FRAS1: variants seen among roughly 807,000 people sequenced by gnomAD.
FRAS1 encodes Fraser extracellular matrix complex subunit 1.
FRAS1 carries 290 observed loss-of-function variants against 435.2 expected under a neutral mutation model. That is an observed-to-expected ratio of 0.67 (90% confidence interval 0.61 to 0.73). The LOEUF (loss-of-function observed/expected upper bound fraction) is 0.73, where lower values mean the gene tolerates loss of function less well. Among genes scored for constraint, FRAS1 ranks in the 30% least tolerant of loss-of-function variants. FRAS1 has a pLI of 0.00. For missense variants in FRAS1, 4,860 were observed against 5,001.5 expected, an observed-to-expected ratio of 0.97 and a Z score of 0.85; for synonymous variants, 1,800 against 1,851.0, an observed-to-expected ratio of 0.97 and a Z score of 0.71.
chr4:78,071,871 C>T (rs1740369205), intron 2 of FRAS1: 1 of 152,108 alleles, frequency 6.6e-6, no homozygotes, highest in African/African-American at 2.4e-5. Flanking sequence ...TGGGTGGAAG[C>T]TTACTGGAGT....
intron 2 of FRAS1, among the ~76,000 whole-genome samples, chr4:78,193,784 A>T (rs1472839622): frequency 7.2e-5 from 11 of 152,240 alleles, no homozygotes; most frequent in Non-Finnish European, 8.8e-5. Context: ...TAAGGTTAAT[A>T]TTGTTATGTG....
At position 78,377,806 on chromosome 4, in the gene FRAS1, GT is replaced by G. The variant is rs113363004; in HGVS notation, c.3293-1917del. ...GCAGCCCGCTAGGATTACCTGCTGAGTTTGTAAAATTCCCGAGGTCCTACCC... is the reference window on the plus strand; with the variant it reads ...GCAGCCCGCTAGGATTACCTGCTGAGTTGTAAAATTCCCGAGGTCCTACCC... On this transcript the variant is annotated intron_variant, in intron 26 of 73. Transcript: ENST00000512123. Among the ~76,000 whole-genome samples the G allele has an allele frequency of 7.2e-4, 110 of 152,314 alleles. 1 individual carries two copies. In the Middle Eastern group the frequency reaches 0.027, roughly 38 times the overall value.
chr4:78,310,788 T>C (rs965668307), intron 15 of FRAS1, among the ~76,000 whole-genome samples: 1 of 152,242 alleles, frequency 6.6e-6, no homozygotes, highest in Non-Finnish European at 1.5e-5. Context: ...CGTCAGATGC[T>C]GATAATGCTG....
intron 2 of FRAS1, among the ~76,000 whole-genome samples, chr4:78,113,203 A>T (rs1006246324): frequency 3.9e-5 from 6 of 152,282 alleles, no homozygotes; most frequent in African/African-American, 9.6e-5. Flanking sequence ...TATATATTCC[A>T]CATTTTCTTA....
At chr4:78,295,627 C>T (rs945970545) in intron 14 of FRAS1, among the ~76,000 whole-genome samples, 4 of 152,048 alleles carry the variant, frequency 2.6e-5, no homozygotes, top group African/African-American at 9.7e-5. Context: ...GTTATCATGC[C>T]CTATTCCCAT....
At chr4:78,196,149 A>G (rs1722802051) in intron 2 of FRAS1, among the ~76,000 whole-genome samples, 1 of 151,978 alleles carries the variant, frequency 6.6e-6, no homozygotes, top group Admixed American at 6.6e-5. Flanking sequence ...CTGGGTCTAC[A>G]GGCACCCGCC....
intron 2 of FRAS1, among the ~76,000 whole-genome samples, chr4:78,081,787 CA>C (rs1427562014): frequency 6.6e-6 from 1 of 152,106 alleles, no homozygotes; most frequent in Non-Finnish European, 1.5e-5. Context: ...GATGGATGGA[CA>C]AACACTCTTC....
intron 62 of FRAS1, 51 bp downstream of exon 62, chr4:78,507,659 G>T: frequency 6.7e-7 from 1 of 1,492,212 alleles, no homozygotes. Flanking sequence ...GTGACTAGTA[G>T]ATGAGAACTG....
At chr4:78,434,960 T>C (rs4975065) in intron 38 of FRAS1, among the ~76,000 whole-genome samples, 104,560 of 150,974 alleles carry the variant, frequency 0.69, 36,292 homozygotes, top group Non-Finnish European at 0.74. Flanking sequence ...TCAGTTCCCT[T>C]ACCAAACGAT....
intron 2 of FRAS1, among the ~76,000 whole-genome samples, chr4:78,207,705 C>G (rs1287781077): frequency 6.6e-6 from 1 of 152,124 alleles, no homozygotes; most frequent in Non-Finnish European, 1.5e-5. Flanking sequence ...GAATCCAGGT[C>G]TCGGGACTAG....
In FRAS1 at chr4:78,446,850, A is replaced by G. The variant is rs1017281955; in HGVS notation, c.5980A>G (p.Ile1994Val). The G allele has an allele frequency of 1.2e-6, 2 of 1,610,990 alleles. No individual in the cohort carries two copies. The highest frequency in any genetic ancestry group is 1.7e-5 in the Admixed American group (1 of 59,608). ...QDLDTPDNEL[I>V]FVLTKKPDHG... The stretch of plus-strand genomic sequence containing the variant: ...CCTGGACACCCCAGATAATGAGCTC[A>G]TTTTTGTATTGACAAAAAAGCCTGA... Residue 1994 changes from isoleucine to valine, a missense_variant, in exon 43 of 74, where the codon ATT becomes GTT. Transcript: ENST00000512123.
At chr4:78,451,603 G>T (rs1719024002) in intron 45 of FRAS1, among the ~76,000 whole-genome samples, 169 bp from the exon 46 acceptor site, 1 of 152,164 alleles carries the variant, frequency 6.6e-6, no homozygotes. Flanking sequence ...GGTGGGAGAG[G>T]AAAAGGAGGA....
chr4:78,322,149 CCTGAGTGTT>C (rs1346403752), intron 18 of FRAS1, among the ~76,000 whole-genome samples: 2 of 152,164 alleles, frequency 1.3e-5, no homozygotes, highest in African/African-American at 4.8e-5. Flanking sequence ...TCCAACCTTA[CCTGAGTGTT>C]ATGTGTGCTG....
chr4:78,243,065 T>C (rs1269326381), intron 3 of FRAS1, among the ~76,000 whole-genome samples: 1 of 152,162 alleles, frequency 6.6e-6, no homozygotes, highest in African/African-American at 2.4e-5. Context: ...GGAGAATATG[T>C]CTGCACAAAA....
intron 34 of FRAS1, among the ~76,000 whole-genome samples, chr4:78,422,236 C>T (rs866618901): frequency 4.0e-5 from 6 of 151,678 alleles, no homozygotes; most frequent in Middle Eastern, 3.4e-3. Flanking sequence ...TTTGTCCCTC[C>T]TATGTGCCAA....
chr4:78,322,496 C>T (rs1179498796), intron 18 of FRAS1, among the ~76,000 whole-genome samples: 1 of 152,122 alleles, frequency 6.6e-6, no homozygotes, highest in Non-Finnish European at 1.5e-5. Flanking sequence ...TAGAACTCTC[C>T]TTCCTTTCTT....
rs1209987929 is a variant in FRAS1, at chr4:78,088,083, T to C, written c.108+22067T>C. On this transcript the variant is annotated intron_variant, in intron 2 of 73. Transcript: ENST00000512123. The stretch of plus-strand genomic sequence containing the variant: ...TGGTACTGGTACTAAAACAGAGATA[T>C]AGACCAATGGAACAGAACAGAGCCC... 2.6e-5 allele frequency among the ~76,000 whole-genome samples: 4 copies of C among 152,142 alleles called. No homozygotes were observed. In the South Asian group the frequency reaches 8.3e-4, roughly 32 times the overall value.
At chr4:78,114,602 G>A (rs145769349) in intron 2 of FRAS1, among the ~76,000 whole-genome samples, 42,426 of 151,046 alleles carry the variant, frequency 0.28, 6,251 homozygotes, top group African/African-American at 0.36. Context: ...TGTGAATGGG[G>A]GTTCACTCAT....
At position 78,521,493 on chromosome 4, in the gene FRAS1, C is replaced by T. The variant is rs1319850522; in HGVS notation, c.10541-30C>T. 8 of 1,549,512 alleles carry T rather than the reference C, an allele frequency of 5.2e-6. No individual in the cohort carries two copies. In the African/African-American group the frequency reaches 6.8e-5, roughly 13 times the overall value. ...CTGTCAGGGAGGAATTTTCCATGCC[C>T]TAGCATTTTCTCTCTGCTTTCCTGC... On this transcript the variant is annotated intron_variant, in intron 67 of 73. Coordinates refer to ENST00000512123, the MANE Select transcript of FRAS1 (RefSeq NM_025074.7).
Sources: allele counts gnomAD v4.1 joint callset (sites outside exome capture counted in the v4.1 genomes callset), GRCh38; gene constraint gnomAD v4.1.1; transcripts MANE v1.5; gene names NCBI Gene and HGNC (gene_info 2026-07-23, HGNC 2026-07-21).